The following TSNARE1 variants were observed in gnomAD, a reference collection of about 807,000 sequenced individuals.
TSNARE1 encodes t-SNARE domain containing 1, also known as t-SNARE domain-containing protein 1.
A neutral mutation model predicts 62.0 loss-of-function variants in TSNARE1; 49 were observed. The ratio of observed to expected loss-of-function variants is 0.79; its 90% CI spans 0.63 to 1.00. The LOEUF is 1.00. TSNARE1 is among the 50% of genes least tolerant of loss of function. The pLI is 0.00. For missense variants in TSNARE1, 755 were observed against 700.1 expected (o/e 1.08, Z -0.88); for synonymous variants, 328 against 294.4 (o/e 1.11, Z -1.17).
intron 12 of TSNARE1, 70 bp downstream of exon 12, chr8:142,274,711 G>A (rs993816572): frequency 2.2e-5 from 31 of 1,420,274 alleles, no homozygotes; most frequent in African/African-American, 2.9e-5. Context: ...CCAGACAGAC[G>A]GAGGGAGGGT....
intron 1 of TSNARE1, among the ~76,000 whole-genome samples, chr8:142,388,029 T>C (rs1837223279): frequency 6.6e-6 from 1 of 152,130 alleles, no homozygotes; most frequent in Non-Finnish European, 1.5e-5. Flanking sequence ...AAAAGTACAT[T>C]CACCAGCACC....
chr8:142,291,746 G>A lies in TSNARE1; in HGVS notation c.1291-7261C>T, dbSNP rs1823794254. On this transcript the variant is annotated intron_variant, in intron 10 of 13. Coordinates refer to ENST00000524325, the MANE Select transcript of TSNARE1 (RefSeq NM_145003.5). The surrounding 1 kb of genome is among the most constrained non-coding windows in gnomAD (Gnocchi z 4.8). ...AGCGTGGGAGCGGCAGGGGTTAGAG[G>A]ACACCCCTGGAGTCAGGGCCTGCCA... Among the ~76,000 whole-genome samples, 5 of 152,272 alleles carry A rather than the reference G, an allele frequency of 3.3e-5. No homozygotes were observed. The South Asian group carries it at 1.0e-3, about 32-fold the overall frequency.
At chr8:142,307,867 G>A (rs897681325) in intron 9 of TSNARE1, among the ~76,000 whole-genome samples, 3 of 152,224 alleles carry the variant, frequency 2.0e-5, no homozygotes, top group Non-Finnish European at 2.9e-5. Flanking sequence ...CCGCCTGCAC[G>A]CAGCCCACGC....
chr8:142,323,405 C>T (rs1042468212), intron 6 of TSNARE1, among the ~76,000 whole-genome samples: 1 of 152,212 alleles, frequency 6.6e-6, no homozygotes, highest in Non-Finnish European at 1.5e-5. Context: ...CCTGGGTCTC[C>T]AGAGTGGACA....
chr8:142,278,371 T>C (rs1820845904), intron 11 of TSNARE1: 2 of 985,322 alleles, frequency 2.0e-6, no homozygotes, highest in South Asian at 9.4e-5. Flanking sequence ...CCCCTGCCTG[T>C]CCTGTGAGGC....
intron 9 of TSNARE1, among the ~76,000 whole-genome samples, chr8:142,305,126 G>A (rs1826444223): frequency 6.6e-6 from 1 of 152,200 alleles, no homozygotes. Context: ...AATCCTCCAG[G>A]GCAGCTAATG....
At chr8:142,377,949 A>G (rs1036089968) in intron 1 of TSNARE1, among the ~76,000 whole-genome samples, 2 of 152,254 alleles carry the variant, frequency 1.3e-5, no homozygotes, top group South Asian at 4.1e-4. Flanking sequence ...AAGTGCTCAG[A>G]GATGCCGAAG....
Position 142,311,817 on chromosome 8 carries a change from C to G in TSNARE1, c.1131+2567G>C, listed in dbSNP as rs540969069. Among the ~76,000 whole-genome samples, 4 of 152,234 alleles carry G rather than the reference C, an allele frequency of 2.6e-5. No homozygotes were observed. In the East Asian group the frequency reaches 7.7e-4, roughly 29 times the overall value. ...TATAAGTTTTCTTATACCCAGCCTTCTAATTCACCAATCCTTTTTTCTGCT... is the reference window on the plus strand; with the variant it reads ...TATAAGTTTTCTTATACCCAGCCTTGTAATTCACCAATCCTTTTTTCTGCT... On this transcript the variant is annotated intron_variant, in intron 9 of 13. Transcript: ENST00000524325.
At chr8:142,222,835 C>G (rs1293420291) in intron 13 of TSNARE1, among the ~76,000 whole-genome samples, 13 of 149,140 alleles carry the variant, frequency 8.7e-5, no homozygotes, top group African/African-American at 2.8e-4. Flanking sequence ...CACTCATTCA[C>G]TCACTCATTC....
At chr8:142,358,312 G>A (rs1158953037) in intron 1 of TSNARE1, among the ~76,000 whole-genome samples, 2 of 151,804 alleles carry the variant, frequency 1.3e-5, no homozygotes, top group African/African-American at 2.4e-5. Flanking sequence ...TGCAAAGGGC[G>A]GCAGGGTCTG....
rs573355462 is a variant in TSNARE1 at position 142,398,842 on chromosome 8, T to A, written c.-40+4262A>T. ...GCAGTGGCCCCCAAGTGGGTTCACATCCTAACAGGACCTACCCAAGGACAA... is the reference window on the plus strand; with the variant it reads ...GCAGTGGCCCCCAAGTGGGTTCACAACCTAACAGGACCTACCCAAGGACAA... On this transcript the variant is annotated intron_variant, in intron 1 of 13. Transcript: ENST00000524325. Among the ~76,000 whole-genome samples, 68 of 152,212 alleles carry A rather than the reference T, an allele frequency of 4.5e-4. 1 individual carries two copies. The highest frequency in any genetic ancestry group is 1.5e-3 in the African/African-American group (63 of 41,546).
chr8:142,384,949 C>G (rs905267050), intron 1 of TSNARE1, among the ~76,000 whole-genome samples: 16 of 152,144 alleles, frequency 1.1e-4, no homozygotes, highest in African/African-American at 3.9e-4. Flanking sequence ...GAGGGATTAA[C>G]ATCCACAATA....
chr8:142,293,324 G>A (rs1824128231), intron 10 of TSNARE1, among the ~76,000 whole-genome samples: 1 of 152,236 alleles, frequency 6.6e-6, no homozygotes, highest in Non-Finnish European at 1.5e-5. Flanking sequence ...AGGAGGGAGG[G>A]GCAGGTGGAG....
chr8:142,278,133 G>A (rs1042155176), intron 11 of TSNARE1: 2 of 985,038 alleles, frequency 2.0e-6, no homozygotes, highest in South Asian at 4.7e-5. Context: ...CATCCCCCAA[G>A]CCCCACCACA....
rs1468302302 is a variant in TSNARE1, at chr8:142,344,091, T to G, written c.620A>C (p.His207Pro). ...CTTGCCGGAACCAGGGCTGGGGCCA[T>G]GGGCCGCCTTCCGGAGGTCGCCCAG... Reference protein sequence around the residue: ...RKLGDLRKAAHGPSPGSGKPQ... With the variant: ...RKLGDLRKAAPGPSPGSGKPQ... The change falls in exon 4 of 14, where the codon CAT (histidine) becomes CCT (proline). Residue 207 changes from histidine (H) to proline (P), a missense_variant. Transcript: ENST00000524325. 6.2e-7 allele frequency: 1 copy of G among 1,609,436 alleles called. No homozygotes were observed. The highest frequency in any genetic ancestry group is 8.5e-7 in the Non-Finnish European group (1 of 1,177,578).
intron 12 of TSNARE1, among the ~76,000 whole-genome samples, chr8:142,250,331 G>C (rs372980760): frequency 6.6e-6 from 1 of 152,178 alleles, no homozygotes; most frequent in Admixed American, 6.5e-5. Flanking sequence ...CTCCTCCCCT[G>C]GAGTAGGAGC....
chr8:142,219,639 C>G (rs1816110458), intron 13 of TSNARE1, among the ~76,000 whole-genome samples: 1 of 152,192 alleles, frequency 6.6e-6, no homozygotes, highest in African/African-American at 2.4e-5. Flanking sequence ...CCCAGGGCCC[C>G]CTCCCCTCAC....
intron 10 of TSNARE1, among the ~76,000 whole-genome samples, chr8:142,293,340 A>G (rs1045849387): frequency 3.9e-5 from 6 of 152,158 alleles, no homozygotes; most frequent in African/African-American, 1.4e-4. Flanking sequence ...TGGAGATCCC[A>G]GCGTGGCAGG....
chr8:142,275,067 G>A (rs904001179), intron 11 of TSNARE1: 4 of 985,430 alleles, frequency 4.1e-6, no homozygotes, highest in Non-Finnish European at 4.8e-6. Context: ...TAGAACGGAG[G>A]CCTGGAGGTG....
Sources: allele counts gnomAD v4.1 joint callset (sites outside exome capture counted in the v4.1 genomes callset), GRCh38; gene constraint gnomAD v4.1.1; non-coding constraint Gnocchi (gnomAD v3.1); transcripts MANE v1.5; gene names NCBI Gene and HGNC (gene_info 2026-07-23, HGNC 2026-07-21).